ZBTB21: variants seen among roughly 807,000 people sequenced by gnomAD.
The protein encoded by ZBTB21 is zinc finger and BTB domain-containing protein 21.
Under a neutral mutation model 39.8 loss-of-function variants are expected in ZBTB21, and 10 were observed. The observed-to-expected ratio is 0.25, with a 90% CI of 0.16 to 0.43. The LOEUF is 0.43. Among genes scored for constraint, ZBTB21 ranks in the 20% least tolerant of loss-of-function variants. ZBTB21 has a pLI of 1.00. For synonymous variants in ZBTB21, 551 were observed against 498.8 expected (o/e 1.10, Z -1.40); for missense variants, 1,221 against 1,296.3 (o/e 0.94, Z 0.89).
chr21:42,007,577 T>C (rs1264631582), intron 1 of ZBTB21, among the ~76,000 whole-genome samples: 1 of 151,676 alleles, frequency 6.6e-6, no homozygotes, highest in Non-Finnish European at 1.5e-5. Flanking sequence ...AAAGCTTTTG[T>C]AATTTGCCCC....
At position 41,991,515 on chromosome 21, in the gene ZBTB21, A is replaced by C; in HGVS notation, c.2581T>G (p.Ser861Ala). ...SEQVNFDSED[S>A]SCLPEDLSLS... ...CTAAGGTCTTCGGGAAGACAAGAGGAATCTTCCGAGTCGAAGTTAACTTGT... is the reference window on the plus strand; with the variant it reads ...CTAAGGTCTTCGGGAAGACAAGAGGCATCTTCCGAGTCGAAGTTAACTTGT... Residue 861 changes from serine (S) to alanine (A), a missense_variant, in exon 3 of 3, where the codon TCC becomes GCC. By Grantham distance (99) the Ser-to-Ala change is moderately conservative. Around this residue, in one of 4 missense-constraint regions of ZBTB21, gnomAD observed 523 missense variants for 542.5 expected, o/e 0.96. Transcript: ENST00000310826. The surrounding 1 kb of genome is among the most constrained non-coding windows in gnomAD (Gnocchi z 4.9). The C allele has an allele frequency of 6.2e-7, 1 of 1,614,188 alleles. No individual in the cohort carries two copies.
chr21:42,006,811 A>G (rs193263552), intron 1 of ZBTB21, among the ~76,000 whole-genome samples: 1 of 152,226 alleles, frequency 6.6e-6, no homozygotes, highest in Non-Finnish European at 1.5e-5. Flanking sequence ...AAACTGATGT[A>G]ACTGGTGTTC....
chr21:41,993,551 A>C lies in ZBTB21; in HGVS notation c.545T>G (p.Val182Gly). 1 of 1,614,262 alleles carries C rather than the reference A, an allele frequency of 6.2e-7. No homozygotes were observed. Among genetic ancestry groups the C allele is most frequent in the Non-Finnish European group, 8.5e-7 (1 of 1,180,048 alleles). ...ATGTGGCTTATTGGTATTGGCCTTGACTGCAATGCTAGGAGAGGGCCGGGA... is the reference window on the plus strand; with the variant it reads ...ATGTGGCTTATTGGTATTGGCCTTGCCTGCAATGCTAGGAGAGGGCCGGGA... ...HTSRPSPSIA[V>G]KANTNKPHVP... The change falls in exon 3 of 3, where the codon GTC (valine) becomes GGC (glycine). Residue 182 changes from valine (V) to glycine (G), a missense_variant. Physicochemically the swap from Val to Gly is moderately radical, Grantham distance 109 (BLOSUM62 -3). Transcript: ENST00000310826.
chr21:41,992,174 C>T lies in ZBTB21; in HGVS notation c.1922G>A (p.Arg641His), dbSNP rs181765349. 4.6e-5 allele frequency: 75 copies of T among 1,614,162 alleles called. No individual in the cohort carries two copies. Among genetic ancestry groups the T allele is most frequent in the Admixed American group, 8.3e-5 (5 of 60,028 alleles). The change falls in exon 3 of 3, where the codon CGC (arginine) becomes CAC (histidine). Residue 641 changes from arginine to histidine, a missense_variant. By Grantham distance (29) the Arg-to-His change is conservative (BLOSUM62 0). Coordinates refer to ENST00000310826, the MANE Select transcript of ZBTB21 (RefSeq NM_001098402.2). This position sits in a 1 kb window ranked among gnomAD's most constrained non-coding sequence, Gnocchi z 4.1. ...IKKALIIKLR[R>H]GKPGFQGQSS... ...CTGTCCCTGAAAACCAGGCTTGCCG[C>T]GCCTTAACTTAATGATCAGGGCCTT...
chr21:42,001,460 G>GAAC (rs2065816751), intron 2 of ZBTB21, among the ~76,000 whole-genome samples: 6 of 152,340 alleles, frequency 3.9e-5, no homozygotes, highest in African/African-American at 9.6e-5. Flanking sequence ...TCTTGTGCAG[G>GAAC]AAGAGAACAG....
Position 41,992,448 on chromosome 21 carries a change from G to A in ZBTB21, c.1648C>T (p.His550Tyr), listed in dbSNP as rs377174109. 1 of 1,614,070 alleles carries A rather than the reference G, an allele frequency of 6.2e-7. No individual in the cohort carries two copies. Among genetic ancestry groups the A allele is most frequent in the African/African-American group, 1.3e-5 (1 of 75,000 alleles). The change falls in exon 3 of 3, where the codon CAT becomes TAT. Residue 550 changes from histidine to tyrosine, a missense_variant. His to Tyr is a moderately conservative substitution (Grantham distance 83). Around this residue, in one of 4 missense-constraint regions of ZBTB21, gnomAD observed 90 missense variants for 133.1 expected, o/e 0.68. Coordinates refer to ENST00000310826, the MANE Select transcript of ZBTB21 (RefSeq NM_001098402.2). The surrounding 1 kb of genome is among the most constrained non-coding windows in gnomAD (Gnocchi z 4.1). The part of the protein sequence containing the change: ...TRPNKKFKCK[H>Y]CLKIFRSTAG... The stretch of plus-strand genomic sequence containing the variant: ...GTTGATCTAAAGATCTTAAGGCAAT[G>A]TTTGCATTTAAATTTTTTGTTTGGT...
At chr21:41,998,295 G>A (rs1262519293) in intron 2 of ZBTB21, among the ~76,000 whole-genome samples, 3 of 151,050 alleles carry the variant, frequency 2.0e-5, no homozygotes, top group South Asian at 4.2e-4. Context: ...GGGTTCAAAC[G>A]ATTCTCCTGC....
chr21:41,992,521 T>C lies in ZBTB21; in HGVS notation c.1575A>G (p.Pro525=). The C allele has an allele frequency of 1.2e-6, 2 of 1,614,248 alleles. No homozygotes were observed. Among genetic ancestry groups the C allele is most frequent in the Non-Finnish European group, 1.7e-6 (2 of 1,180,046 alleles). Residue 525 remains proline, a synonymous_variant, in exon 3 of 3, where the codon CCA becomes CCG. Transcript: ENST00000310826. The surrounding 1 kb of genome is among the most constrained non-coding windows in gnomAD (Gnocchi z 4.1). The stretch of plus-strand genomic sequence containing the variant: ...ATTCGTCTTTATTCAAATCAGAATC[T>C]GGAAAATCTGCATCAAGGAGAGTAG... ...SSPTLLDADF[P]DSDLNKDEFG...
At position 41,992,601 on chromosome 21, in the gene ZBTB21, C is replaced by T. The variant is rs1182179559; in HGVS notation, c.1495G>A (p.Val499Met). Reference protein sequence around the residue: ...DRRLPFKKLKVNEHGSPVSED... With the variant: ...DRRLPFKKLKMNEHGSPVSED... ...GACACAGGAGACCCGTGCTCATTCACCTTTAACTTCTTAAACGGCAATCTT... is the reference window on the plus strand; with the variant it reads ...GACACAGGAGACCCGTGCTCATTCATCTTTAACTTCTTAAACGGCAATCTT... The change falls in exon 3 of 3, where the codon GTG becomes ATG. Residue 499 changes from valine (V) to methionine (M), a missense_variant. Physicochemically the swap from Val to Met is conservative, Grantham distance 21. Coordinates refer to ENST00000310826, the MANE Select transcript of ZBTB21 (RefSeq NM_001098402.2). The surrounding 1 kb of genome is among the most constrained non-coding windows in gnomAD (Gnocchi z 4.1). The T allele has an allele frequency of 5.6e-6, 9 of 1,614,074 alleles. No homozygotes were observed. Among genetic ancestry groups the T allele is most frequent in the Admixed American group, 5.0e-5 (3 of 59,998 alleles).
chr21:42,005,971 A>G (rs549499451), intron 1 of ZBTB21, among the ~76,000 whole-genome samples: 1 of 152,254 alleles, frequency 6.6e-6, no homozygotes, highest in Non-Finnish European at 1.5e-5. Context: ...CCTTGATGGA[A>G]TATTTCAGCT....
At chr21:42,005,203 C>T (rs984720978) in intron 1 of ZBTB21, among the ~76,000 whole-genome samples, 3 of 152,224 alleles carry the variant, frequency 2.0e-5, no homozygotes, top group Admixed American at 2.0e-4. Flanking sequence ...CACTACACAG[C>T]CATTCCACCT....
chr21:42,006,724 T>C (rs1211308448), intron 1 of ZBTB21, among the ~76,000 whole-genome samples: 1 of 152,222 alleles, frequency 6.6e-6, no homozygotes, highest in Non-Finnish European at 1.5e-5. Flanking sequence ...CTCCAGTACC[T>C]GGAGAATGTA....
In ZBTB21 at chr21:41,992,366, C is replaced by T; in HGVS notation, c.1730G>A (p.Cys577Tyr). Residue 577 changes from cysteine to tyrosine, a missense_variant, in exon 3 of 3, where the codon TGT (cysteine) becomes TAT (tyrosine). Transcript: ENST00000310826. The surrounding 1 kb of genome is among the most constrained non-coding windows in gnomAD (Gnocchi z 4.1). ...GTGAAACCTCTTGTGACAGATGTCA[C>T]AAGCGTAGGGCTTTTCTGGGTTATG... ...MYHNPEKPYACDICHKRFHTN... is the reference protein window; with the variant it reads ...MYHNPEKPYAYDICHKRFHTN... The T allele has an allele frequency of 6.2e-7, 1 of 1,614,214 alleles. No individual in the cohort carries two copies. Among genetic ancestry groups the T allele is most frequent in the Non-Finnish European group, 8.5e-7 (1 of 1,180,042 alleles).
In ZBTB21 at chr21:41,988,294, C is replaced by G. The variant is rs1009712476; in HGVS notation, c.*2601G>C. On this transcript the variant is annotated 3_prime_UTR_variant, in exon 3 of 3. Coordinates refer to ENST00000310826, the MANE Select transcript of ZBTB21 (RefSeq NM_001098402.2). ...TTCCACAACTGCATAAAAAAGCAGG[C>G]ATCCTGCATACTTACATGGAATAAA... The G allele has an allele frequency of 2.2e-4, 33 of 152,160 alleles. No homozygotes were observed. The highest frequency in any genetic ancestry group is 7.2e-4 in the African/African-American group (30 of 41,448). The allele number at this position is 152,160 out of a possible 1,614,324, so 9.4% of individuals were successfully genotyped here. A position where few individuals can be genotyped will look rare whatever the true frequency, so the allele number is the denominator to read the frequency against.
intron 2 of ZBTB21, among the ~76,000 whole-genome samples, chr21:42,000,078 G>T (rs1322509860): frequency 1.3e-5 from 2 of 152,148 alleles, no homozygotes; most frequent in East Asian, 3.8e-4. Context: ...CAGGGTGGTA[G>T]CAACGGAGGT....
chr21:41,991,228 G>A lies in ZBTB21; in HGVS notation c.2868C>T (p.Phe956=). 1 of 1,614,202 alleles carries A rather than the reference G, an allele frequency of 6.2e-7. No individual in the cohort carries two copies. The change falls in exon 3 of 3, where the codon TTC becomes TTT. Residue 956 remains phenylalanine, a synonymous_variant. Coordinates refer to ENST00000310826, the MANE Select transcript of ZBTB21 (RefSeq NM_001098402.2). The surrounding 1 kb of genome is among the most constrained non-coding windows in gnomAD (Gnocchi z 4.9). ...CTGAAGCCTGAGACATGTGCGATTG[G>A]AAGTGACTCCAGAGTCGAAAATTAG... ...FRTNFRLWSH[F]QSHMSQASEE... is the part of the protein sequence containing the mutation.
In ZBTB21 at chr21:41,990,731, G is replaced by A. The variant is rs3746912; in HGVS notation, c.*164C>T. The A allele has an allele frequency of 0.064, 38,574 of 604,820 alleles. 3,957 individuals are homozygous for A. The highest frequency in any genetic ancestry group is 0.45 in the East Asian group (13,623 of 30,498). 37.5% of individuals were successfully genotyped at this position (604,820 alleles called of 1,614,324 possible). A position where few individuals can be genotyped will look rare whatever the true frequency, so the allele number is the denominator to read the frequency against. On this transcript the variant is annotated 3_prime_UTR_variant, in exon 3 of 3. Coordinates refer to ENST00000310826, the MANE Select transcript of ZBTB21 (RefSeq NM_001098402.2). ...TAAAAGCTGTATTTCTAAAGTTAAG[G>A]ACATTACTAAGTAATTATCAATTTG...
At chr21:42,003,616 A>G (rs1397342401) in intron 1 of ZBTB21, among the ~76,000 whole-genome samples, 3 of 152,204 alleles carry the variant, frequency 2.0e-5, no homozygotes, top group Non-Finnish European at 4.4e-5. Context: ...GAGCAACGAC[A>G]TGATGCACAA....
chr21:41,988,805 C>A lies in ZBTB21; in HGVS notation c.*2090G>T, dbSNP rs1601625257. ...AACAATATTATTTTTAAAAAATCTT[C>A]GAAAATGTAGCATAAAGGTTTAGGT... On this transcript the variant is annotated 3_prime_UTR_variant, in exon 3 of 3. Coordinates refer to ENST00000310826, the MANE Select transcript of ZBTB21 (RefSeq NM_001098402.2). 2 of 151,296 alleles carry A rather than the reference C, an allele frequency of 1.3e-5. No homozygotes were observed. Among genetic ancestry groups the A allele is most frequent in the East Asian group, 1.9e-4 (1 of 5,174 alleles). The allele number at this position is 151,296 out of a possible 1,614,324, so 9.4% of individuals were successfully genotyped here. A position where few individuals can be genotyped will look rare whatever the true frequency, so the allele number is the denominator to read the frequency against.
Sources: allele counts gnomAD v4.1 joint callset (sites outside exome capture counted in the v4.1 genomes callset), GRCh38; gene constraint gnomAD v4.1.1; regional missense constraint gnomAD v4.1.1; non-coding constraint Gnocchi (gnomAD v3.1); transcripts MANE v1.5; gene names NCBI Gene and HGNC (gene_info 2026-07-23, HGNC 2026-07-21).